The following ZNF574 variants were observed in gnomAD, a reference collection of about 807,000 sequenced individuals.
The protein encoded by ZNF574 is zinc finger protein 574.
In ZNF574, 25 loss-of-function variants were observed where a neutral mutation model predicts 56.6. The ratio of observed to expected loss-of-function variants is 0.44; its 90% CI spans 0.32 to 0.62. ZNF574 has a LOEUF of 0.62. Ranked by LOEUF, ZNF574 falls within the 20% of genes least tolerant of loss-of-function variation. The pLI is 0.04. For missense variants in ZNF574, 1,065 were observed against 1,218.9 expected (o/e 0.87, Z 1.88); for synonymous variants, 543 against 492.1 (o/e 1.10, Z -1.37).
In ZNF574 at chr19:42,081,520, A is replaced by C; in HGVS notation, c.*223A>C. 8.2e-6 allele frequency: 5 copies of C among 612,966 alleles called. No individual in the cohort carries two copies. The highest frequency in any genetic ancestry group is 5.8e-5 in the Admixed American group (2 of 34,432). The allele number at this position is 612,966 out of a possible 1,614,324, so 38.0% of individuals were successfully genotyped here. On this transcript the variant is annotated 3_prime_UTR_variant, in exon 2 of 2. Transcript: ENST00000359044. ...CCTCTTAGCACTGGTGACCCCAAAA[A>C]TGAAACCATCAATAAAGACTGAGTT...
chr19:42,079,230 G>A lies in ZNF574; in HGVS notation c.624G>A (p.Glu208=), dbSNP rs2076477493. The A allele has an allele frequency of 1.9e-6, 3 of 1,613,934 alleles. No homozygotes were observed. The highest frequency in any genetic ancestry group is 1.3e-5 in the African/African-American group (1 of 74,918). ...CCACCACCACTGAGGTAGTGACTGA[G>A]GTGGAGCTGCTCCTCTACAAGTGCT... is the stretch of plus-strand genomic sequence containing the variant. ...AAATTTEVVT[E]VELLLYKCSE... The change falls in exon 2 of 2, where the codon GAG becomes GAA. Residue 208 remains glutamate (E), a synonymous_variant. Transcript: ENST00000359044. This position sits in a 1 kb window ranked among gnomAD's most constrained non-coding sequence, Gnocchi z 4.3.
chr19:42,068,977 A>C (rs1282589744), intron 1 of ZNF574: 1 of 574,764 alleles, frequency 1.7e-6, no homozygotes, highest in Non-Finnish European at 3.1e-6. Context: ...TGAGAGCCCA[A>C]GTAAGAGCAA....
chr19:42,076,376 C>T (rs2076455613), intron 1 of ZNF574, 90 bp downstream of exon 1: 2 of 152,008 alleles, frequency 1.3e-5, no homozygotes, highest in South Asian at 4.2e-4. Context: ...CACTGAGGGC[C>T]TGAGGGGGTG....
At chr19:42,078,268 AC>A (rs1175597923) in intron 1 of ZNF574, among the ~76,000 whole-genome samples, 2 of 151,966 alleles carry the variant, frequency 1.3e-5, no homozygotes, top group Non-Finnish European at 2.9e-5. Context: ...GCTGGGCGGA[AC>A]TGTGGGGCCC....
Position 42,081,347 on chromosome 19 carries a change from C to T in ZNF574, c.*50C>T, listed in dbSNP as rs750070227. 9 of 1,606,250 alleles carry T rather than the reference C, an allele frequency of 5.6e-6. No individual in the cohort carries two copies. The highest frequency in any genetic ancestry group is 6.8e-6 in the Non-Finnish European group (8 of 1,173,086). On this transcript the variant is annotated 3_prime_UTR_variant, in exon 2 of 2. Coordinates refer to ENST00000359044, the MANE Select transcript of ZNF574 (RefSeq NM_022752.6). ...CCTCCATTCCCTGTTGCTGAAGGCC[C>T]TCCAGCATCCCCTTAAGCATCTGTA... is the stretch of plus-strand genomic sequence containing the variant.
upstream of ZNF574, chr19:42,076,092 T>C (rs933346152): frequency 2.0e-5 from 3 of 152,012 alleles, no homozygotes; most frequent in Admixed American, 6.5e-5. Flanking sequence ...CGGGCAATGA[T>C]TGGTTGCGTC....
upstream of ZNF574, among the ~76,000 whole-genome samples, chr19:42,075,708 A>G (rs560498788): frequency 2.0e-5 from 3 of 151,898 alleles, no homozygotes; most frequent in East Asian, 5.8e-4. Context: ...CCGTGCCTCC[A>G]TTCCCCCGCT....
chr19:42,069,825 C>G (rs2076399253), intron 1 of ZNF574, among the ~76,000 whole-genome samples: 1 of 151,930 alleles, frequency 6.6e-6, no homozygotes, highest in Non-Finnish European at 1.5e-5. Flanking sequence ...GCCCTCAGCC[C>G]CCACGGGAAA....
At chr19:42,078,358 AG>A (rs1275929516) in intron 1 of ZNF574, among the ~76,000 whole-genome samples, 1 of 151,954 alleles carries the variant, frequency 6.6e-6, no homozygotes, top group African/African-American at 2.4e-5. Flanking sequence ...GTTGATACAG[AG>A]GTGAGACTGT....
At chr19:42,072,566 TTC>T (rs1249546638), upstream of ZNF574, among the ~76,000 whole-genome samples, 3 of 151,452 alleles carry the variant, frequency 2.0e-5, no homozygotes, top group Non-Finnish European at 4.4e-5. Context: ...TTTTCTTTCT[TTC>T]TTTTTTTTTT....
chr19:42,076,332 G>T (rs1330703163), intron 1 of ZNF574, 46 bp downstream of exon 1: 1 of 152,026 alleles, frequency 6.6e-6, no homozygotes, highest in East Asian at 1.9e-4. Flanking sequence ...TGCGCTCCCT[G>T]CCGCCGCGGC....
chr19:42,072,688 T>C (rs1386240949), upstream of ZNF574, among the ~76,000 whole-genome samples: 2 of 152,050 alleles, frequency 1.3e-5, no homozygotes, highest in Non-Finnish European at 1.5e-5. Flanking sequence ...TGCCTCAGCC[T>C]CCCGCGTAGC....
chr19:42,070,016 G>A (rs548151758), intron 1 of ZNF574, among the ~76,000 whole-genome samples: 4 of 152,072 alleles, frequency 2.6e-5, no homozygotes, highest in African/African-American at 4.8e-5. Context: ...AGGGGCTCCC[G>A]GTGCTGGGCC....
At chr19:42,069,856 A>T (rs929952847) in intron 1 of ZNF574, among the ~76,000 whole-genome samples, 1 of 151,696 alleles carries the variant, frequency 6.6e-6, no homozygotes, top group African/African-American at 2.4e-5. Context: ...GGGCGGGGAG[A>T]GCCCGGGAGT....
In ZNF574 at chr19:42,079,145, A is replaced by C. The variant is rs769086520; in HGVS notation, c.539A>C (p.Glu180Ala). 6.2e-7 allele frequency: 1 copy of C among 1,613,710 alleles called. No individual in the cohort carries two copies. Among genetic ancestry groups the C allele is most frequent in the East Asian group, 2.2e-5 (1 of 44,876 alleles). The part of the protein sequence containing the change: ...PPVGQARVAV[E>A]HSYRKAEEGG... ...GTGGGCCAGGCCCGAGTGGCTGTGG[A>C]GCACTCATACCGAAAGGCAGAAGAG... The change falls in exon 2 of 2, where the codon GAG becomes GCG. Residue 180 changes from glutamate to alanine, a missense_variant. Physicochemically the swap from Glu to Ala is moderately radical, Grantham distance 107. Coordinates refer to ENST00000359044, the MANE Select transcript of ZNF574 (RefSeq NM_022752.6). The surrounding 1 kb of genome is among the most constrained non-coding windows in gnomAD (Gnocchi z 4.3).
chr19:42,081,318 G>A lies in ZNF574; in HGVS notation c.*21G>A, dbSNP rs749548526. ...GCTGACTCTGCCCGACTTCCTCTTT[G>A]GCACCTCCATTCCCTGTTGCTGAAG... On this transcript the variant is annotated 3_prime_UTR_variant, in exon 2 of 2. Coordinates refer to ENST00000359044, the MANE Select transcript of ZNF574 (RefSeq NM_022752.6). 1 of 1,613,892 alleles carries A rather than the reference G, an allele frequency of 6.2e-7. No homozygotes were observed.
chr19:42,079,073 C>T lies in ZNF574; in HGVS notation c.467C>T (p.Ala156Val), dbSNP rs774387082. Reference sequence around the variant, plus strand: ...CACCTCCGGGCCACACCCACCAAGGCTCCTGCCCCTGTTGTCCTGGGGTCC... The same window carrying T: ...CACCTCCGGGCCACACCCACCAAGGTTCCTGCCCCTGTTGTCCTGGGGTCC... Reference protein sequence around the residue: ...QTHLRATPTKAPAPVVLGSPV... With the variant: ...QTHLRATPTKVPAPVVLGSPV... Residue 156 changes from alanine (A) to valine (V), a missense_variant, in exon 2 of 2, where the codon GCT becomes GTT. Transcript: ENST00000359044. The surrounding 1 kb of genome is among the most constrained non-coding windows in gnomAD (Gnocchi z 4.3). 5.6e-6 allele frequency: 9 copies of T among 1,614,188 alleles called. No individual in the cohort carries two copies. Among genetic ancestry groups the T allele is most frequent in the South Asian group, 1.1e-5 (1 of 91,088 alleles).
Position 42,080,487 on chromosome 19 carries a change from CGTG to C in ZNF574, c.1884_1886del (p.Val629del), listed in dbSNP as rs2076490964. On this transcript the variant is annotated inframe_deletion, in exon 2 of 2. Transcript: ENST00000359044. This position sits in a 1 kb window ranked among gnomAD's most constrained non-coding sequence, Gnocchi z 8.5. ...GTCGGCTGCTGGAGGTGCACCAGCT[CGTG>C]GTCCATGCCGGGCGCCAGCCCCACC... 6.2e-7 allele frequency: 1 copy of C among 1,613,910 alleles called. No homozygotes were observed. Among genetic ancestry groups the C allele is most frequent in the Non-Finnish European group, 8.5e-7 (1 of 1,180,000 alleles).
Position 42,080,188 on chromosome 19 carries a change from T to A in ZNF574, c.1582T>A (p.Cys528Ser). 6.2e-7 allele frequency: 1 copy of A among 1,614,002 alleles called. No homozygotes were observed. The highest frequency in any genetic ancestry group is 8.5e-7 in the Non-Finnish European group (1 of 1,180,006). Residue 528 changes from cysteine to serine, a missense_variant, in exon 2 of 2, where the codon TGC (cysteine) becomes AGC (serine). Transcript: ENST00000359044. This position sits in a 1 kb window ranked among gnomAD's most constrained non-coding sequence, Gnocchi z 8.5. ...GGAGCGGCCCTTCCCCTGCCCTGAC[T>A]GCTCCAAGCCCTTCAACTCACCTGC... ...TGERPFPCPD[C>S]SKPFNSPANL...
Sources: allele counts gnomAD v4.1 joint callset (sites outside exome capture counted in the v4.1 genomes callset), GRCh38; gene constraint gnomAD v4.1.1; non-coding constraint Gnocchi (gnomAD v3.1); transcripts MANE v1.5; gene names NCBI Gene and HGNC (gene_info 2026-07-23, HGNC 2026-07-21).